SPAG16: variants seen among roughly 807,000 people sequenced by gnomAD.
SPAG16 encodes sperm-associated antigen 16 protein.
In SPAG16, 86 loss-of-function variants were observed where a neutral mutation model predicts 80.4. The observed-to-expected ratio is 1.07, with a 90% confidence interval of 0.90 to 1.28. SPAG16 has a LOEUF of 1.28. SPAG16 is among the 50% of genes most tolerant of loss of function. SPAG16 has a pLI of 0.00. For synonymous variants in SPAG16, 294 were observed against 265.9 expected, an observed-to-expected ratio of 1.11 and a Z score of -1.03; for missense variants, 870 against 765.3, an observed-to-expected ratio of 1.14 and a Z score of -1.61.
intron 15 of SPAG16, among the ~76,000 whole-genome samples, chr2:214,214,127 T>C (rs1206797053): frequency 6.6e-6 from 1 of 152,048 alleles, no homozygotes; most frequent in Non-Finnish European, 1.5e-5. Flanking sequence ...TATATCTCCA[T>C]GTCATTCATA....
intron 10 of SPAG16, among the ~76,000 whole-genome samples, chr2:213,614,254 T>A (rs1338049094): frequency 6.6e-6 from 1 of 152,228 alleles, no homozygotes; most frequent in Non-Finnish European, 1.5e-5. Context: ...AAGTGATTGA[T>A]TAAGCTTTTC....
intron 15 of SPAG16, among the ~76,000 whole-genome samples, chr2:214,150,585 A>G (rs1424689630): frequency 6.6e-6 from 1 of 152,084 alleles, no homozygotes; most frequent in Non-Finnish European, 1.5e-5. Context: ...TGATTTTCAT[A>G]AACATTTCAC....
intron 10 of SPAG16, among the ~76,000 whole-genome samples, chr2:213,784,961 T>G (rs910348804): frequency 6.6e-6 from 1 of 152,192 alleles, no homozygotes; most frequent in Non-Finnish European, 1.5e-5. Flanking sequence ...TAGTTCCTAT[T>G]CATCCTAGTT....
chr2:213,342,434 A>G (rs1342484301), intron 6 of SPAG16, among the ~76,000 whole-genome samples: 2 of 149,672 alleles, frequency 1.3e-5, no homozygotes, highest in Non-Finnish European at 3.0e-5. Context: ...AACTGTACAT[A>G]CTACCTAAAT....
At chr2:213,732,686 A>G (rs1206500065) in intron 10 of SPAG16, among the ~76,000 whole-genome samples, 1 of 151,486 alleles carries the variant, frequency 6.6e-6, no homozygotes, top group African/African-American at 2.4e-5. Context: ...CACAATATCA[A>G]CTCTTCCTAT....
chr2:213,850,584 C>T (rs1272180979), intron 10 of SPAG16, among the ~76,000 whole-genome samples: 1 of 152,088 alleles, frequency 6.6e-6, no homozygotes, highest in Non-Finnish European at 1.5e-5. Context: ...GGCAGGACCT[C>T]TCTGGAATGA....
At chr2:213,525,839 A>T (rs1049494422) in intron 10 of SPAG16, among the ~76,000 whole-genome samples, 7 of 152,152 alleles carry the variant, frequency 4.6e-5, no homozygotes, top group African/African-American at 7.2e-5. Flanking sequence ...GTAGATACAG[A>T]TGTAGATATA....
chr2:214,319,924 A>T lies in SPAG16; in HGVS notation c.1721-90216A>T, dbSNP rs534173567. Among the ~76,000 whole-genome samples the T allele has an allele frequency of 1.2e-3, 178 of 152,218 alleles. 1 individual carries two copies. Among genetic ancestry groups the T allele is most frequent in the African/African-American group, 4.2e-3 (173 of 41,458 alleles). ...ATATGCTTTTCAAATAGCTGCCTTC[A>T]TCTATAGCATAGAGCATTTCTCTAC... is the stretch of plus-strand genomic sequence containing the variant. On this transcript the variant is annotated intron_variant, in intron 15 of 15. Coordinates refer to ENST00000331683, the MANE Select transcript of SPAG16 (RefSeq NM_024532.5).
intron 15 of SPAG16, among the ~76,000 whole-genome samples, chr2:214,401,329 A>T (rs1461940674): frequency 2.0e-5 from 3 of 151,966 alleles, no homozygotes; most frequent in Non-Finnish European, 4.4e-5. Context: ...GCCTATCTAT[A>T]TTGATTTAGA....
intron 10 of SPAG16, among the ~76,000 whole-genome samples, chr2:213,814,141 T>C (rs993517635): frequency 1.3e-5 from 2 of 152,078 alleles, no homozygotes; most frequent in African/African-American, 2.4e-5. Context: ...GCTGACGGGG[T>C]AGAAATTCAG....
At chr2:213,366,992 G>A (rs1205534543) in intron 8 of SPAG16, among the ~76,000 whole-genome samples, 1 of 151,948 alleles carries the variant, frequency 6.6e-6, no homozygotes. Flanking sequence ...CTGTGTCCAA[G>A]TGTTCTCATT....
At chr2:213,383,076 A>T (rs1484913807) in intron 9 of SPAG16, among the ~76,000 whole-genome samples, 1 of 152,088 alleles carries the variant, frequency 6.6e-6, no homozygotes, top group Non-Finnish European at 1.5e-5. Context: ...TGATTCTCTC[A>T]ATCTTGTACC....
At chr2:213,554,286 G>A (rs1368814641) in intron 10 of SPAG16, among the ~76,000 whole-genome samples, 1 of 152,216 alleles carries the variant, frequency 6.6e-6, no homozygotes, top group African/African-American at 2.4e-5. Context: ...TACCACAGCA[G>A]CACAGAGACT....
chr2:213,958,910 G>A (rs964991607), intron 12 of SPAG16, among the ~76,000 whole-genome samples: 1 of 152,136 alleles, frequency 6.6e-6, no homozygotes, highest in Non-Finnish European at 1.5e-5. Flanking sequence ...TACGCTGCAG[G>A]ACTTTCTCGT....
intron 11 of SPAG16, among the ~76,000 whole-genome samples, chr2:213,913,221 A>G (rs2077759273): frequency 6.6e-6 from 1 of 151,852 alleles, no homozygotes; most frequent in African/African-American, 2.4e-5. Context: ...TAGTATATTC[A>G]TTTTCACTGC....
intron 8 of SPAG16, among the ~76,000 whole-genome samples, chr2:213,372,651 C>A (rs758728588): frequency 2.0e-5 from 3 of 152,056 alleles, no homozygotes; most frequent in African/African-American, 4.8e-5. Context: ...TTACATAGAT[C>A]TAACCAATCT....
intron 13 of SPAG16, among the ~76,000 whole-genome samples, chr2:214,061,563 G>C (rs755704870): frequency 6.6e-6 from 1 of 152,044 alleles, no homozygotes; most frequent in Non-Finnish European, 1.5e-5. Flanking sequence ...CTTACATGGG[G>C]GTCCTCAGTT....
chr2:213,720,656 G>GA (rs1005713839), intron 10 of SPAG16, among the ~76,000 whole-genome samples: 4 of 144,756 alleles, frequency 2.8e-5, no homozygotes, highest in Non-Finnish European at 4.5e-5. Context: ...AATAAATAAA[G>GA]AAAAAAAATA....
intron 10 of SPAG16, among the ~76,000 whole-genome samples, chr2:213,592,255 A>T (rs2060719625): frequency 6.6e-6 from 1 of 152,222 alleles, no homozygotes; most frequent in Non-Finnish European, 1.5e-5. Flanking sequence ...ATGCACACAC[A>T]TAATGATAAA....
Sources: allele counts gnomAD v4.1 joint callset (sites outside exome capture counted in the v4.1 genomes callset), GRCh38; gene constraint gnomAD v4.1.1; transcripts MANE v1.5; gene names NCBI Gene and HGNC (gene_info 2026-07-23, HGNC 2026-07-21).